CFLAR: variants seen among roughly 807,000 people sequenced by gnomAD.
CFLAR encodes the protein CASP8 and FADD like apoptosis regulator, also known as CASP8 and FADD-like apoptosis regulator.
Under a neutral mutation model 51.1 loss-of-function variants are expected in CFLAR, and 14 were observed. The observed-to-expected ratio is 0.27, with a 90% CI of 0.18 to 0.43. The LOEUF (loss-of-function observed/expected upper bound fraction) is 0.43, where lower values mean the gene tolerates loss of function less well. Among genes scored for constraint, CFLAR ranks in the 20% least tolerant of loss-of-function variants. The pLI is 1.00. For missense variants in CFLAR, 390 were observed against 566.5 expected (o/e 0.69, Z 3.16); for synonymous variants, 210 against 211.6 (o/e 0.99, Z 0.06).
At position 201,173,669 on chromosome 2, in the gene CFLAR, G is replaced by A. The variant is rs144510294; in HGVS notation, c.*9696G>A. 2.7e-5 allele frequency: 4 copies of A among 150,936 alleles called. No individual in the cohort carries two copies. Among genetic ancestry groups the A allele is most frequent in the Admixed American group, 6.6e-5 (1 of 15,176 alleles). 9.3% of individuals were successfully genotyped at this position (150,936 alleles called of 1,614,324 possible). A position where few individuals can be genotyped will look rare whatever the true frequency, so the allele number is the denominator to read the frequency against. On this transcript the variant is annotated 3_prime_UTR_variant, in exon 10 of 10. Transcript: ENST00000309955. ...AAGTCCTTTCTCATTTTAAAACTGC[G>A]TTATTTTATTTTATTTTTCTGAGAT...
chr2:201,142,188 T>G (rs1220164165), intron 5 of CFLAR, among the ~76,000 whole-genome samples: 1 of 151,894 alleles, frequency 6.6e-6, no homozygotes, highest in Non-Finnish European at 1.5e-5. Flanking sequence ...GTGGGAGAAA[T>G]TGCTTGAGCC....
chr2:201,151,712 T>C (rs999217463), intron 8 of CFLAR, among the ~76,000 whole-genome samples: 27 of 151,798 alleles, frequency 1.8e-4, no homozygotes, highest in Admixed American at 1.6e-3. Context: ...ATATCTGTTG[T>C]ATGAGAGAAT....
At position 201,136,354 on chromosome 2, in the gene CFLAR, T is replaced by C. The variant is rs2050118737; in HGVS notation, c.523+247T>C. 3 of 1,598,340 alleles carry C rather than the reference T, an allele frequency of 1.9e-6. No homozygotes were observed. In the Admixed American group the frequency reaches 5.0e-5, roughly 27 times the overall value. ...TGCCAAGCAGTTCTTAACATTTCAG[T>C]CTTCAAGAAAGAATCTGGGATCTGC... On this transcript the variant is annotated intron_variant, in intron 4 of 9. Coordinates refer to ENST00000309955, the MANE Select transcript of CFLAR (RefSeq NM_003879.7).
At chr2:201,154,100 T>C (rs1941756982) in intron 8 of CFLAR, 1 of 304,054 alleles carries the variant, frequency 3.3e-6, no homozygotes, top group Non-Finnish European at 6.5e-6. Context: ...ATATTTTTAA[T>C]TTATTTTTAA....
At chr2:201,119,063 G>A (rs780495546) in intron 1 of CFLAR, 1 of 152,238 alleles carries the variant, frequency 6.6e-6, no homozygotes, top group African/African-American at 2.4e-5. Context: ...ACAACACTCC[G>A]GGGCATGTTG....
At chr2:201,161,372 A>G (rs1014342357) in intron 9 of CFLAR, among the ~76,000 whole-genome samples, 11 of 151,962 alleles carry the variant, frequency 7.2e-5, no homozygotes, top group Non-Finnish European at 1.5e-4. Context: ...CCTTGTCTCC[A>G]ATAAACAAAT....
At chr2:201,158,849 C>CATTATTATTATT (rs201037431) in intron 8 of CFLAR, among the ~76,000 whole-genome samples, 3,987 of 143,592 alleles carry the variant, frequency 0.028, 77 homozygotes, top group East Asian at 0.059. Flanking sequence ...CATTTGCCCT[C>CATTATTATTATT]ATCATTATTA....
chr2:201,152,458 A>G (rs1941435659), intron 8 of CFLAR, among the ~76,000 whole-genome samples: 1 of 152,198 alleles, frequency 6.6e-6, no homozygotes, highest in African/African-American at 2.4e-5. Context: ...AGGGCTTAGA[A>G]TAATGCCTGG....
At chr2:201,149,395 A>G (rs1940863228) in intron 7 of CFLAR, 1 of 295,114 alleles carries the variant, frequency 3.4e-6, no homozygotes, top group Non-Finnish European at 6.4e-6. Flanking sequence ...AAGCAATAGA[A>G]GGGCTCCCTT....
In CFLAR at chr2:201,168,405, G is replaced by A. The variant is rs942694061; in HGVS notation, c.*4432G>A. On this transcript the variant is annotated 3_prime_UTR_variant, in exon 10 of 10. Transcript: ENST00000309955. ...GATTATCTCAATAGATACAGAAAAG[G>A]CCTTCAATAAAATTCAACGTTGCTT... is the stretch of plus-strand genomic sequence containing the variant. 2.0e-5 allele frequency: 3 copies of A among 152,014 alleles called. No homozygotes were observed. The highest frequency in any genetic ancestry group is 2.9e-5 in the Non-Finnish European group (2 of 68,008). 9.4% of individuals were successfully genotyped at this position (152,014 alleles called of 1,614,324 possible).
chr2:201,147,478 GA>G (rs1940435189), intron 6 of CFLAR, among the ~76,000 whole-genome samples: 1 of 151,920 alleles, frequency 6.6e-6, no homozygotes, highest in Non-Finnish European at 1.5e-5. Context: ...GCAGTGAGCC[GA>G]GATCTTGCCA....
At chr2:201,128,079 A>G (rs576045574) in intron 1 of CFLAR, among the ~76,000 whole-genome samples, 5 of 152,324 alleles carry the variant, frequency 3.3e-5, no homozygotes, top group African/African-American at 9.6e-5. Flanking sequence ...GTGAATTTGT[A>G]TAATATCTCA....
In CFLAR at chr2:201,164,293, A is replaced by G. The variant is rs1216405922; in HGVS notation, c.*320A>G. On this transcript the variant is annotated 3_prime_UTR_variant, in exon 10 of 10. Coordinates refer to ENST00000309955, the MANE Select transcript of CFLAR (RefSeq NM_003879.7). ...CCCATCTCTTTAAAAAAAAAAAAAA[A>G]GGACAGGAACTATCTTACTCAATGT... 2.1e-5 allele frequency: 4 copies of G among 191,102 alleles called. No individual in the cohort carries two copies. Among genetic ancestry groups the G allele is most frequent in the Non-Finnish European group, 4.4e-5 (4 of 91,152 alleles). 11.8% of individuals were successfully genotyped at this position (191,102 alleles called of 1,614,324 possible).
Position 201,138,681 on chromosome 2 carries a change from G to T in CFLAR, c.524-1676G>T, listed in dbSNP as rs2050501300. On this transcript the variant is annotated intron_variant, in intron 4 of 9. Transcript: ENST00000309955. This position sits in a 1 kb window ranked among gnomAD's most constrained non-coding sequence, Gnocchi z 4.0. ...CTTGGCCTCCAACACATCACCCACA[G>T]TGTGCAAGGGGCTCAGCACCACGGG... 2.2e-6 allele frequency: 2 copies of T among 921,318 alleles called. No homozygotes were observed. The highest frequency in any genetic ancestry group is 3.2e-5 in the African/African-American group (2 of 61,950). 57.1% of individuals were successfully genotyped at this position (921,318 alleles called of 1,614,324 possible).
chr2:201,154,767 C>T (rs555474965), intron 8 of CFLAR, among the ~76,000 whole-genome samples: 68 of 152,372 alleles, frequency 4.5e-4, no homozygotes, highest in Admixed American at 7.8e-4. Context: ...TGCAAGTCCC[C>T]CAAGTATTTA....
At chr2:201,145,472 C>T in intron 6 of CFLAR, 40 bp downstream of exon 6, 3 of 1,239,096 alleles carry the variant, frequency 2.4e-6, no homozygotes, top group Non-Finnish European at 3.5e-6. Flanking sequence ...TTTATAAATG[C>T]TTGATAATTC....
intron 4 of CFLAR, chr2:201,136,691 A>T: frequency 1.2e-6 from 1 of 822,776 alleles, no homozygotes; most frequent in Non-Finnish European, 1.8e-6. Flanking sequence ...ATCACAGCCT[A>T]AAGGGCATGG....
intron 1 of CFLAR, chr2:201,122,493 G>A (rs919061946): frequency 2.0e-5 from 3 of 152,224 alleles, no homozygotes; most frequent in Non-Finnish European, 2.9e-5. Context: ...TGACCAGTCT[G>A]TTCAAGACCC....
At chr2:201,131,699 T>G (rs1382012373) in intron 2 of CFLAR, among the ~76,000 whole-genome samples, 1 of 152,092 alleles carries the variant, frequency 6.6e-6, no homozygotes, top group Non-Finnish European at 1.5e-5. Flanking sequence ...GTTTTTGTTT[T>G]TTTGTTTGTT....
Sources: gnomAD v4.1 joint callset for allele counts (sites outside exome capture counted in the v4.1 genomes callset) on GRCh38, gnomAD v4.1.1 for gene constraint, Gnocchi (gnomAD v3.1) non-coding constraint, MANE v1.5 for transcripts, NCBI Gene and HGNC (gene_info 2026-07-23, HGNC 2026-07-21) for gene names.